The following HGF variants were observed in gnomAD, a reference collection of about 807,000 sequenced individuals.
HGF encodes the protein hepatocyte growth factor.
In HGF, 39 loss-of-function variants were observed where a neutral mutation model predicts 111.6. That is an observed-to-expected ratio of 0.35 (90% CI 0.27 to 0.46). The LOEUF (loss-of-function observed/expected upper bound fraction) is 0.46. Among genes scored for constraint, HGF ranks in the 20% least tolerant of loss-of-function variants. The probability of loss-of-function intolerance (pLI) is 1.00; values close to 1 mark genes in which losing one functional copy is unlikely to be tolerated. For synonymous variants in HGF, 285 were observed against 294.8 expected, an observed-to-expected ratio of 0.97 and a Z score of 0.34; for missense variants, 735 against 910.5, an observed-to-expected ratio of 0.81 and a Z score of 2.48.
In HGF at chr7:81,761,216, G is replaced by A. The variant is rs115232811; in HGVS notation, c.254+1491C>T. ...TTGTCTCTATTTCTAACAATAGCAA[G>A]GCTTTTATAGGAAAGTCAGGGAATA... On this transcript the variant is annotated intron_variant, in intron 2 of 17. Transcript: ENST00000222390. Among the ~76,000 whole-genome samples the A allele has an allele frequency of 5.6e-3, 856 of 152,248 alleles. 7 individuals are homozygous for A. The highest frequency in any genetic ancestry group is 0.02 in the African/African-American group (812 of 41,550).
chr7:81,715,740 A>C (rs979850252), intron 11 of HGF, among the ~76,000 whole-genome samples: 2 of 152,134 alleles, frequency 1.3e-5, no homozygotes, highest in African/African-American at 4.8e-5. Flanking sequence ...TTTGACATAA[A>C]TTCTAGAAAA....
intron 13 of HGF, among the ~76,000 whole-genome samples, chr7:81,708,479 A>C (rs912674165): frequency 6.7e-6 from 1 of 148,976 alleles, no homozygotes; most frequent in Admixed American, 6.7e-5. Flanking sequence ...AGAATCACCA[A>C]TTAACTCAAA....
At chr7:81,745,589 A>G (rs948119918) in intron 5 of HGF, among the ~76,000 whole-genome samples, 4 of 152,248 alleles carry the variant, frequency 2.6e-5, no homozygotes, top group Non-Finnish European at 5.9e-5. Context: ...TTAATGACAT[A>G]ATCAAGACCA....
intron 7 of HGF, among the ~76,000 whole-genome samples, chr7:81,736,044 G>C (rs1298673503): frequency 6.6e-6 from 1 of 151,962 alleles, no homozygotes; most frequent in East Asian, 1.9e-4. Context: ...GATTTGGTGG[G>C]AGACACAATT....
intron 8 of HGF, among the ~76,000 whole-genome samples, chr7:81,728,248 C>T (rs1381915617): frequency 2.0e-5 from 3 of 152,084 alleles, no homozygotes; most frequent in African/African-American, 4.8e-5. Context: ...AAACAAATAA[C>T]AAAATTAAGA....
In HGF at chr7:81,750,815, A is replaced by AG. The variant is rs957939596; in HGVS notation, c.625+1304dup. The AG allele has an allele frequency of 4.0e-5, 8 of 202,284 alleles. No homozygotes were observed. The East Asian group carries it at 1.4e-3, about 36-fold the overall frequency. The allele number at this position is 202,284 out of a possible 1,614,324, so 12.5% of individuals were successfully genotyped here. ...TAATAGGAGAGATTCCCCTAAAAGTAGGGTTTTTTTTCTTCCATGTGCAAG... is the reference window on the plus strand; with the variant it reads ...TAATAGGAGAGATTCCCCTAAAAGTAGGGGTTTTTTTTCTTCCATGTGCAAG... On this transcript the variant is annotated intron_variant, in intron 5 of 17. Transcript: ENST00000222390.
At chr7:81,737,659 C>T (rs1787877216) in intron 7 of HGF, among the ~76,000 whole-genome samples, 1 of 151,892 alleles carries the variant, frequency 6.6e-6, no homozygotes, top group Non-Finnish European at 1.5e-5. Flanking sequence ...TTTTTAAATG[C>T]CAAATTTGTA....
At chr7:81,738,468 G>A (rs983865406) in intron 7 of HGF, among the ~76,000 whole-genome samples, 2 of 152,068 alleles carry the variant, frequency 1.3e-5, no homozygotes, top group Non-Finnish European at 1.5e-5. Flanking sequence ...ATATTTGTGG[G>A]CTGATGACAT....
chr7:81,726,483 T>A (rs577900590), intron 8 of HGF, among the ~76,000 whole-genome samples: 1 of 152,356 alleles, frequency 6.6e-6, no homozygotes, highest in Admixed American at 6.5e-5. Context: ...AAGTTCAATC[T>A]ATTCAAATAT....
chr7:81,711,026 G>C (rs996269166), intron 12 of HGF, among the ~76,000 whole-genome samples: 1 of 152,192 alleles, frequency 6.6e-6, no homozygotes, highest in Non-Finnish European at 1.5e-5. Context: ...GAATATCATA[G>C]ACTGTGTCAT....
chr7:81,739,081 C>A (rs1446876003), intron 7 of HGF, among the ~76,000 whole-genome samples: 2 of 152,198 alleles, frequency 1.3e-5, no homozygotes, highest in South Asian at 2.1e-4. Flanking sequence ...AACCTGTGAT[C>A]TTTCTCCTCA....
chr7:81,723,359 A>G (rs1384364352), intron 9 of HGF, among the ~76,000 whole-genome samples: 1 of 152,168 alleles, frequency 6.6e-6, no homozygotes, highest in Non-Finnish European at 1.5e-5. Context: ...ATATCCAGAA[A>G]GATGAAAATA....
intron 5 of HGF, chr7:81,751,012 G>A (rs895065695): frequency 1.8e-5 from 18 of 982,108 alleles, no homozygotes; most frequent in Non-Finnish European, 2.2e-5. Context: ...AGATGGAACT[G>A]GCTGTAGCAC....
At chr7:81,753,817 G>A (rs950500669) in intron 4 of HGF, among the ~76,000 whole-genome samples, 2 of 151,898 alleles carry the variant, frequency 1.3e-5, no homozygotes, top group Admixed American at 1.3e-4. Flanking sequence ...AAGACAGGTT[G>A]TCAGACCGTA....
chr7:81,717,275 C>T lies in HGF; in HGVS notation c.1362G>A (p.Thr454=), dbSNP rs761711142. 3.7e-6 allele frequency: 6 copies of T among 1,613,598 alleles called. No homozygotes were observed. The highest frequency in any genetic ancestry group is 2.2e-5 in the East Asian group (1 of 44,864). Residue 454 remains threonine, a synonymous_variant, in exon 11 of 18, where the codon ACG becomes ACA. Coordinates refer to ENST00000222390, the MANE Select transcript of HGF (RefSeq NM_000601.6). The stretch of plus-strand genomic sequence containing the variant: ...AATCCCAAGGAATGAGTGGATTTCC[C>T]GTGTAGCACCAGGGTCCATGAGCAT... The part of the protein sequence containing the change: ...DDDAHGPWCY[T]GNPLIPWDYC...
intron 7 of HGF, among the ~76,000 whole-genome samples, chr7:81,730,767 A>C (rs567680066): frequency 1.3e-5 from 2 of 152,194 alleles, no homozygotes; most frequent in Non-Finnish European, 2.9e-5. Flanking sequence ...TAAAACATAC[A>C]TGAAAATGTT....
intron 13 of HGF, 59 bp from the exon 14 acceptor site, chr7:81,707,423 T>A: frequency 1.0e-6 from 1 of 957,398 alleles, no homozygotes; most frequent in Non-Finnish European, 1.7e-6. Flanking sequence ...GACTGCCAAT[T>A]AATGCAAAGC....
intron 4 of HGF, among the ~76,000 whole-genome samples, chr7:81,753,337 A>C (rs1788596386): frequency 6.6e-6 from 1 of 152,054 alleles, no homozygotes; most frequent in African/African-American, 2.4e-5. Context: ...ACCAGTAAAC[A>C]TTTCTTTGAA....
At chr7:81,746,713 G>A (rs1788271761) in intron 5 of HGF, among the ~76,000 whole-genome samples, 1 of 151,546 alleles carries the variant, frequency 6.6e-6, no homozygotes, top group South Asian at 2.1e-4. Context: ...TTCTAACGAG[G>A]GTGAATAGAA....
Sources: allele counts gnomAD v4.1 joint callset (sites outside exome capture counted in the v4.1 genomes callset), GRCh38; gene constraint gnomAD v4.1.1; transcripts MANE v1.5; gene names NCBI Gene and HGNC (gene_info 2026-07-23, HGNC 2026-07-21).